Variants in MICALL1 observed in about 807,000 individuals in gnomAD.
The protein encoded by MICALL1 is MICAL-like protein 1.
Under a neutral mutation model 83.7 loss-of-function variants are expected in MICALL1, and 61 were observed. The ratio of observed to expected loss-of-function variants is 0.73; its 90% CI spans 0.59 to 0.90. MICALL1 has a LOEUF of 0.90. MICALL1 is among the 40% of genes least tolerant of loss of function. MICALL1 has a pLI of 0.00. For missense variants in MICALL1, 1,066 were observed against 1,152.0 expected (o/e 0.93, Z 1.08); for synonymous variants, 481 against 473.6 (o/e 1.02, Z -0.20).
At position 37,937,156 on chromosome 22, in the gene MICALL1, C is replaced by A. The variant is rs1230186085; in HGVS notation, c.2385C>A (p.Arg795=). The A allele has an allele frequency of 1.9e-6, 3 of 1,544,890 alleles. No individual in the cohort carries two copies. Among genetic ancestry groups the A allele is most frequent in the Non-Finnish European group, 1.7e-6 (2 of 1,143,468 alleles). The change falls in exon 14 of 16, where the codon CGC becomes CGA. Residue 795 remains arginine (R), a synonymous_variant. Transcript: ENST00000215957. ...AGCTTGTGACCCTCATTGAGCAGCG[C>A]AACGCTATCATCAACTGCCTGGATG... is the stretch of plus-strand genomic sequence containing the variant. ...MQELVTLIEQ[R]NAIINCLDED...
In MICALL1 at chr22:37,925,651, C is replaced by T; in HGVS notation, c.1083-10C>T. The T allele has an allele frequency of 6.3e-7, 1 of 1,591,172 alleles. No individual in the cohort carries two copies. Among genetic ancestry groups the T allele is most frequent in the Non-Finnish European group, 8.6e-7 (1 of 1,165,844 alleles). On this transcript the variant is annotated splice_polypyrimidine_tract_variant and intron_variant, in intron 7 of 15. Coordinates refer to ENST00000215957, the MANE Select transcript of MICALL1 (RefSeq NM_033386.4). The stretch of plus-strand genomic sequence containing the variant: ...TGCTAATGGTTTCTGCTGCTTCCCC[C>T]CTCCTCCAGGACACCAGCCCCCAGG...
Position 37,906,437 on chromosome 22 carries a change from G to A in MICALL1, c.15G>A (p.Arg5=). 8.6e-7 allele frequency: 1 copy of A among 1,161,278 alleles called. No homozygotes were observed. The highest frequency in any genetic ancestry group is 1.1e-6 in the Non-Finnish European group (1 of 942,144). The allele number at this position is 1,161,278 out of a possible 1,614,324, so 71.9% of individuals were successfully genotyped here. A position where few individuals can be genotyped will look rare whatever the true frequency, so the allele number is the denominator to read the frequency against. The change falls in exon 1 of 16, where the codon CGG becomes CGA. Residue 5 remains arginine, a synonymous_variant. Transcript: ENST00000215957. This position sits in a 1 kb window ranked among gnomAD's most constrained non-coding sequence, Gnocchi z 4.4. ...GCCGCGGGGTCATGGCTGGGCCGCG[G>A]GGCGCGCTGCTGGCCTGGTGCCGCC... MAGP[R]GALLAWCRRQ... is the part of the protein sequence containing the mutation.
chr22:37,930,857 C>T lies in MICALL1; in HGVS notation c.1882-942C>T, dbSNP rs541045655. 5.9e-5 allele frequency among the ~76,000 whole-genome samples: 9 copies of T among 152,272 alleles called. No homozygotes were observed. The highest frequency in any genetic ancestry group is 5.9e-4 in the Admixed American group (9 of 15,294). ...GTCAAACACTTCCTGGCTGGGTGAC[C>T]CTGGGTGAGGAACTTCACCTCTCTG... On this transcript the variant is annotated intron_variant, in intron 9 of 15. Transcript: ENST00000215957. The surrounding 1 kb of genome is among the most constrained non-coding windows in gnomAD (Gnocchi z 4.8).
intron 1 of MICALL1, among the ~76,000 whole-genome samples, chr22:37,911,724 C>A (rs374862941): frequency 6.6e-6 from 1 of 152,084 alleles, no homozygotes; most frequent in African/African-American, 2.4e-5. Flanking sequence ...CTCCAGGGCC[C>A]GTGATCTCAT....
At chr22:37,910,041 G>A (rs1189849002) in intron 1 of MICALL1, among the ~76,000 whole-genome samples, 4 of 152,178 alleles carry the variant, frequency 2.6e-5, no homozygotes, top group African/African-American at 9.7e-5. Context: ...CTCCTTTGAG[G>A]GCGTGGACCA....
At position 37,925,819 on chromosome 22, in the gene MICALL1, G is replaced by A. The variant is rs1929394612; in HGVS notation, c.1241G>A (p.Ser414Asn). Residue 414 changes from serine to asparagine, a missense_variant, in exon 8 of 16, where the codon AGC (serine) becomes AAC (asparagine). Coordinates refer to ENST00000215957, the MANE Select transcript of MICALL1 (RefSeq NM_033386.4). Reference sequence around the variant, plus strand: ...GGCACCGAGGAGGTGGCCCAGCCGAGCCCAACGGCCAGCCTGGAGTCCAAA... The same window carrying A: ...GGCACCGAGGAGGTGGCCCAGCCGAACCCAACGGCCAGCCTGGAGTCCAAA... ...NGGTEEVAQP[S>N]PTASLESKPY... 3 of 1,613,850 alleles carry A rather than the reference G, an allele frequency of 1.9e-6. No individual in the cohort carries two copies. Among genetic ancestry groups the A allele is most frequent in the Non-Finnish European group, 2.5e-6 (3 of 1,179,992 alleles).
At position 37,942,679 on chromosome 22, in the gene MICALL1, T is replaced by A. The variant is rs1184276471; in HGVS notation, c.*1849T>A. 6.6e-6 allele frequency: 1 copy of A among 152,180 alleles called. No individual in the cohort carries two copies. Among genetic ancestry groups the A allele is most frequent in the East Asian group, 1.9e-4 (1 of 5,160 alleles). 9.4% of individuals were successfully genotyped at this position (152,180 alleles called of 1,614,324 possible). A position where few individuals can be genotyped will look rare whatever the true frequency, so the allele number is the denominator to read the frequency against. On this transcript the variant is annotated 3_prime_UTR_variant, in exon 16 of 16. Coordinates refer to ENST00000215957, the MANE Select transcript of MICALL1 (RefSeq NM_033386.4). ...ACGACGCCTGGCTAATTTTTTGTAT[T>A]TTTAGTAGAGACGGGGTTTCACCGT...
Position 37,927,493 on chromosome 22 carries a change from T to G in MICALL1, c.1548T>G (p.Ser516=). Residue 516 remains serine, a synonymous_variant, in exon 9 of 16, where the codon TCT becomes TCG. Transcript: ENST00000215957. The part of the protein sequence containing the change: ...SPALSVESLS[S]ESASQTAGAE... ...CGCTCAGCGTGGAGAGCCTGTCGTC[T>G]GAGAGCGCCAGCCAGACTGCAGGTG... 6.2e-7 allele frequency: 1 copy of G among 1,612,252 alleles called. No individual in the cohort carries two copies. Among genetic ancestry groups the G allele is most frequent in the African/African-American group, 1.3e-5 (1 of 75,046 alleles).
At chr22:37,923,349 T>TC (rs1929217101) in intron 6 of MICALL1, among the ~76,000 whole-genome samples, 1 of 151,924 alleles carries the variant, frequency 6.6e-6, no homozygotes, top group Non-Finnish European at 1.5e-5. Context: ...GCCTCAGCCT[T>TC]CCAAGTAGCT....
chr22:37,906,436 G>T lies in MICALL1; in HGVS notation c.14G>T (p.Arg5Leu). The change falls in exon 1 of 16, where the codon CGG (arginine) becomes CTG (leucine). Residue 5 changes from arginine (R) to leucine (L), a missense_variant. Arg to Leu is a moderately radical substitution (Grantham distance 102). Coordinates refer to ENST00000215957, the MANE Select transcript of MICALL1 (RefSeq NM_033386.4). The surrounding 1 kb of genome is among the most constrained non-coding windows in gnomAD (Gnocchi z 4.4). Reference sequence around the variant, plus strand: ...GGCCGCGGGGTCATGGCTGGGCCGCGGGGCGCGCTGCTGGCCTGGTGCCGC... The same window carrying T: ...GGCCGCGGGGTCATGGCTGGGCCGCTGGGCGCGCTGCTGGCCTGGTGCCGC... The part of the protein sequence containing the change: MAGP[R>L]GALLAWCRRQ... The T allele has an allele frequency of 8.6e-7, 1 of 1,159,630 alleles. No homozygotes were observed. The highest frequency in any genetic ancestry group is 1.1e-6 in the Non-Finnish European group (1 of 941,272). The allele number at this position is 1,159,630 out of a possible 1,614,324, so 71.8% of individuals were successfully genotyped here.
chr22:37,922,224 T>C lies in MICALL1; in HGVS notation c.822T>C (p.Pro274=). 1 of 1,609,014 alleles carries C rather than the reference T, an allele frequency of 6.2e-7. No individual in the cohort carries two copies. The highest frequency in any genetic ancestry group is 8.5e-7 in the Non-Finnish European group (1 of 1,178,350). ...GAEADGPKAS[P]EARPQIPTKP... is the part of the protein sequence containing the mutation. ...AGGCCGATGGACCCAAGGCCAGCCC[T>C]GAGGCCCGGCCGCAGATCCCTACCA... The change falls in exon 6 of 16, where the codon CCT becomes CCC. Residue 274 remains proline (P), a synonymous_variant. Transcript: ENST00000215957.
intron 15 of MICALL1, among the ~76,000 whole-genome samples, chr22:37,938,752 G>C (rs762411484): frequency 2.6e-5 from 4 of 151,620 alleles, no homozygotes; most frequent in African/African-American, 4.8e-5. Context: ...CTCAGTAGCT[G>C]GGATTAGCTG....
At chr22:37,934,595 A>T (rs1451669657) in intron 13 of MICALL1, among the ~76,000 whole-genome samples, 1 of 148,992 alleles carries the variant, frequency 6.7e-6, no homozygotes, top group African/African-American at 2.5e-5. Flanking sequence ...TTATTTATTT[A>T]TTATTATTAT....
In MICALL1 at chr22:37,922,381, C is replaced by G; in HGVS notation, c.979C>G (p.Gln327Glu). Reference sequence around the variant, plus strand: ...GCCCCGGCCCCGCTCCAGTCTGCAGCAGGAGAACCTGGTGGAGCAGGCTGG... The same window carrying G: ...GCCCCGGCCCCGCTCCAGTCTGCAGGAGGAGAACCTGGTGGAGCAGGCTGG... The part of the protein sequence containing the change: ...PTPRPRSSLQ[Q>E]ENLVEQAGSS... Residue 327 changes from glutamine to glutamate, a missense_variant, in exon 6 of 16, where the codon CAG (glutamine) becomes GAG (glutamate). By Grantham distance (29) the Gln-to-Glu change is conservative. Coordinates refer to ENST00000215957, the MANE Select transcript of MICALL1 (RefSeq NM_033386.4). 1 of 1,534,576 alleles carries G rather than the reference C, an allele frequency of 6.5e-7. No homozygotes were observed. Among genetic ancestry groups the G allele is most frequent in the African/African-American group, 1.4e-5 (1 of 72,862 alleles).
intron 5 of MICALL1, 44 bp from the exon 6 acceptor site, chr22:37,921,927 GC>G: frequency 6.6e-7 from 1 of 1,507,964 alleles, no homozygotes; most frequent in Non-Finnish European, 8.9e-7. Flanking sequence ...CAGTGCCTGG[GC>G]CCAGCTGCCT....
intron 15 of MICALL1, among the ~76,000 whole-genome samples, chr22:37,940,432 G>GA (rs375289659): frequency 2.0e-5 from 3 of 151,776 alleles, no homozygotes; most frequent in African/African-American, 7.2e-5. Context: ...AAAAAAAAAA[G>GA]AATTCCCGGA....
chr22:37,928,324 A>T (rs1469712135), intron 9 of MICALL1, among the ~76,000 whole-genome samples: 1 of 150,446 alleles, frequency 6.6e-6, no homozygotes, highest in African/African-American at 2.5e-5. Flanking sequence ...CTTCTGTCTC[A>T]GTCTCCCGAG....
chr22:37,933,879 G>C (rs1388207171), intron 13 of MICALL1, among the ~76,000 whole-genome samples: 1 of 152,238 alleles, frequency 6.6e-6, no homozygotes, highest in Non-Finnish European at 1.5e-5. Flanking sequence ...TTCCATCCAT[G>C]TCTCTGATCT....
intron 13 of MICALL1, among the ~76,000 whole-genome samples, chr22:37,934,108 G>C (rs184613654): frequency 1.3e-5 from 2 of 152,234 alleles, no homozygotes; most frequent in Non-Finnish European, 2.9e-5. Flanking sequence ...GAGCGGGCAC[G>C]GCTCCTCTGC....
Sources: gnomAD v4.1 joint callset for allele counts (sites outside exome capture counted in the v4.1 genomes callset) on GRCh38, gnomAD v4.1.1 for gene constraint, Gnocchi (gnomAD v3.1) non-coding constraint, MANE v1.5 for transcripts, NCBI Gene and HGNC (gene_info 2026-07-23, HGNC 2026-07-21) for gene names.